The following CADM2 variants were observed in gnomAD, a reference collection of about 807,000 sequenced individuals.
CADM2 encodes the protein immunoglobulin superfamily member 4D.
Under a neutral mutation model 49.8 loss-of-function variants are expected in CADM2, and 12 were observed. The ratio of observed to expected loss-of-function variants is 0.24; its 90% confidence interval spans 0.15 to 0.39. CADM2 has a LOEUF of 0.39. Ranked by LOEUF, CADM2 falls within the 10% of genes least tolerant of loss-of-function variation. The pLI is 1.00. For synonymous variants in CADM2, 214 were observed against 175.4 expected, an observed-to-expected ratio of 1.22 and a Z score of -1.74; for missense variants, 378 against 492.3, an observed-to-expected ratio of 0.77 and a Z score of 2.20.
In CADM2 at chr3:85,790,066, A is replaced by C. The variant is rs528359102; in HGVS notation, c.89-11981A>C. 7.9e-5 allele frequency among the ~76,000 whole-genome samples: 12 copies of C among 152,336 alleles called. No homozygotes were observed. The East Asian group carries it at 2.3e-3, about 29-fold the overall frequency. On this transcript the variant is annotated intron_variant, in intron 2 of 9. Coordinates refer to ENST00000383699, the MANE Select transcript of CADM2 (RefSeq NM_001167675.2). ...AAGTTTGGGATATTGTAAATTAAGAAAAACTTTAGTGATATGGCCGAGTAA... is the reference window on the plus strand; with the variant it reads ...AAGTTTGGGATATTGTAAATTAAGACAAACTTTAGTGATATGGCCGAGTAA...
At chr3:85,155,723 A>G (rs2040088359) in intron 1 of CADM2, among the ~76,000 whole-genome samples, 1 of 152,180 alleles carries the variant, frequency 6.6e-6, no homozygotes, top group Admixed American at 6.5e-5. Context: ...AAAAGAACTG[A>G]AATTATAACA....
intron 1 of CADM2, among the ~76,000 whole-genome samples, chr3:85,660,571 A>G (rs1195704679): frequency 6.6e-6 from 1 of 151,926 alleles, no homozygotes; most frequent in African/African-American, 2.4e-5. Context: ...CACTGAATGG[A>G]GGAATCAGAC....
chr3:85,373,004 A>C (rs1444649289), intron 1 of CADM2, among the ~76,000 whole-genome samples: 2 of 152,052 alleles, frequency 1.3e-5, no homozygotes, highest in African/African-American at 4.8e-5. Context: ...GACACAGCCA[A>C]ACCATATCAT....
At chr3:85,079,550 G>A in intron 1 of CADM2, among the ~76,000 whole-genome samples, 1 of 151,732 alleles carries the variant, frequency 6.6e-6, no homozygotes, top group East Asian at 1.9e-4. Flanking sequence ...ACATAAAGTG[G>A]AAACAGAAAC....
chr3:85,414,160 G>T (rs758580341), intron 1 of CADM2, among the ~76,000 whole-genome samples: 12 of 152,116 alleles, frequency 7.9e-5, no homozygotes, highest in Non-Finnish European at 1.3e-4. Flanking sequence ...ACCATGCCCG[G>T]CCTGATGAAT....
chr3:85,089,713 A>G (rs2037521149), intron 1 of CADM2, among the ~76,000 whole-genome samples: 1 of 152,090 alleles, frequency 6.6e-6, no homozygotes, highest in South Asian at 2.1e-4. Context: ...AGGCTTCCAG[A>G]CTTTCTGTAC....
intron 2 of CADM2, among the ~76,000 whole-genome samples, chr3:85,743,549 C>T (rs1477540253): frequency 3.9e-5 from 6 of 152,150 alleles, no homozygotes; most frequent in African/African-American, 1.2e-4. Flanking sequence ...CAGAAGCTGT[C>T]CATCTATCCT....
chr3:86,045,145 C>T (rs919340341), intron 8 of CADM2, among the ~76,000 whole-genome samples: 1 of 151,730 alleles, frequency 6.6e-6, no homozygotes. Context: ...CAACATGGCA[C>T]ATATATACAT....
chr3:85,715,404 C>A (rs2067254369), intron 1 of CADM2, among the ~76,000 whole-genome samples: 1 of 152,128 alleles, frequency 6.6e-6, no homozygotes, highest in Non-Finnish European at 1.5e-5. Context: ...GTAAAAAGTT[C>A]AAATTAGGGT....
intron 1 of CADM2, among the ~76,000 whole-genome samples, chr3:85,313,172 G>A (rs895385265): frequency 1.3e-5 from 2 of 152,138 alleles, no homozygotes; most frequent in Non-Finnish European, 2.9e-5. Context: ...TCAGGCAAGC[G>A]GCTATCAGGG....
In CADM2 at chr3:84,985,491, G is replaced by C. The variant is rs569901759; in HGVS notation, c.61+25823G>C. Among the ~76,000 whole-genome samples, 5 of 151,978 alleles carry C rather than the reference G, an allele frequency of 3.3e-5. No individual in the cohort carries two copies. The East Asian group carries it at 9.7e-4, about 29-fold the overall frequency. ...CTAATGAGGTAATATACAAAATTTT[G>C]GTTTGTACTTTTTCAGAGAGATTTG... On this transcript the variant is annotated intron_variant, in intron 1 of 9. Transcript: ENST00000383699.
rs560907447 is a variant in CADM2 at position 85,009,774 on chromosome 3, G to A, written c.61+50106G>A. 2.6e-5 allele frequency among the ~76,000 whole-genome samples: 4 copies of A among 151,972 alleles called. No homozygotes were observed. The East Asian group carries it at 7.8e-4, about 30-fold the overall frequency. On this transcript the variant is annotated intron_variant, in intron 1 of 9. Transcript: ENST00000383699. ...CCAGTTACTCGGGAGGCTGAGGCAG[G>A]AGAATCACTTGAACCCCGGAGGTGG...
In CADM2 at chr3:86,026,731, C is replaced by T. The variant is rs953395428; in HGVS notation, c.971-38874C>T. Among the ~76,000 whole-genome samples the T allele has an allele frequency of 3.3e-5, 5 of 152,278 alleles. No homozygotes were observed. In the East Asian group the frequency reaches 7.7e-4, roughly 24 times the overall value. ...TTGATACAAGAGGAGAATTATAGCACGTAACCACTCCGTGTTGGTGTGATT... is the reference window on the plus strand; with the variant it reads ...TTGATACAAGAGGAGAATTATAGCATGTAACCACTCCGTGTTGGTGTGATT... On this transcript the variant is annotated intron_variant, in intron 8 of 9. Transcript: ENST00000383699.
intron 1 of CADM2, among the ~76,000 whole-genome samples, chr3:85,124,094 T>C (rs571953889): frequency 2.6e-5 from 4 of 152,300 alleles, no homozygotes; most frequent in Middle Eastern, 6.8e-3. Context: ...TGTTTGCTAA[T>C]TGGGGCCCTT....
intron 1 of CADM2, among the ~76,000 whole-genome samples, chr3:85,236,573 G>A (rs1288368616): frequency 6.6e-6 from 1 of 152,036 alleles, no homozygotes. Flanking sequence ...ATTAACTTTT[G>A]TGATGAAAGA....
chr3:86,037,346 A>C (rs1300484716), intron 8 of CADM2, among the ~76,000 whole-genome samples: 1 of 152,162 alleles, frequency 6.6e-6, no homozygotes, highest in East Asian at 1.9e-4. Flanking sequence ...TCCATTACAC[A>C]TTGGTTGTTA....
At chr3:85,758,773 G>A (rs907293799) in intron 2 of CADM2, among the ~76,000 whole-genome samples, 1 of 152,044 alleles carries the variant, frequency 6.6e-6, no homozygotes, top group African/African-American at 2.4e-5. Flanking sequence ...TGAAGTAGTT[G>A]ATCTCACATT....
chr3:86,014,126 G>T lies in CADM2; in HGVS notation c.971-51479G>T. ...TCTGCCATTTTCAGTGGACACGCAG[G>T]CATGATGCTTTTGAAATTTTGGTGG... On this transcript the variant is annotated intron_variant, in intron 8 of 9. Coordinates refer to ENST00000383699, the MANE Select transcript of CADM2 (RefSeq NM_001167675.2). 2.3e-6 allele frequency: 3 copies of T among 1,280,916 alleles called. No homozygotes were observed. In the South Asian group the frequency reaches 4.8e-5, roughly 20 times the overall value. 79.3% of individuals were successfully genotyped at this position (1,280,916 alleles called of 1,614,324 possible).
intron 1 of CADM2, among the ~76,000 whole-genome samples, chr3:85,633,309 T>G (rs2107527704): frequency 6.6e-6 from 1 of 152,206 alleles, no homozygotes; most frequent in South Asian, 2.1e-4. Context: ...TGTAATATTC[T>G]CCCATATGAT....
Sources: gnomAD v4.1 joint callset for allele counts (sites outside exome capture counted in the v4.1 genomes callset) on GRCh38, gnomAD v4.1.1 for gene constraint, MANE v1.5 for transcripts, NCBI Gene and HGNC (gene_info 2026-07-23, HGNC 2026-07-21) for gene names.